The following CTNNA2 variants were observed in gnomAD, a reference collection of about 807,000 sequenced individuals.
CTNNA2 encodes catenin alpha 2.
In CTNNA2, 42 loss-of-function variants were observed where a neutral mutation model predicts 101.0. The ratio of observed to expected loss-of-function variants is 0.42; its 90% CI spans 0.32 to 0.54. CTNNA2 has a LOEUF of 0.54. Among genes scored for constraint, CTNNA2 ranks in the 20% least tolerant of loss-of-function variants. CTNNA2 has a pLI of 0.14. For synonymous variants in CTNNA2, 450 were observed against 456.4 expected, an observed-to-expected ratio of 0.99 and a Z score of 0.18; for missense variants, 871 against 1,223.1, an observed-to-expected ratio of 0.71 and a Z score of 4.29.
intron 7 of CTNNA2, among the ~76,000 whole-genome samples, chr2:79,995,855 G>A (rs139791333): frequency 5.3e-5 from 8 of 152,190 alleles, no homozygotes; most frequent in Non-Finnish European, 7.4e-5. Flanking sequence ...TTCTGTATTC[G>A]AACATGGATG....
In CTNNA2 at chr2:79,812,950, A is replaced by G. The variant is rs139125016; in HGVS notation, c.299-45063A>G. Among the ~76,000 whole-genome samples, 1,445 of 152,250 alleles carry G rather than the reference A, an allele frequency of 9.5e-3. 12 individuals carry two copies. Among genetic ancestry groups the G allele is most frequent in the Middle Eastern group, 0.02 (6 of 294 alleles). Reference sequence around the variant, plus strand: ...GAGGGACAGTAACACTCCAGGTGCAATTCTGAAGGAGACCAGTCCAACTTC... The same window carrying G: ...GAGGGACAGTAACACTCCAGGTGCAGTTCTGAAGGAGACCAGTCCAACTTC... On this transcript the variant is annotated intron_variant, in intron 3 of 18. Transcript: ENST00000402739.
At chr2:79,361,808 G>T (rs1573120235) in intron 3 of CTNNA2, among the ~76,000 whole-genome samples, 1 of 152,098 alleles carries the variant, frequency 6.6e-6, no homozygotes. Flanking sequence ...GATATAGGTT[G>T]GGAGGCTAGG....
At chr2:80,594,341 G>A (rs1696764650) in intron 15 of CTNNA2, among the ~76,000 whole-genome samples, 1 of 151,810 alleles carries the variant, frequency 6.6e-6, no homozygotes, top group Non-Finnish European at 1.5e-5. Context: ...TGGGTTGTTT[G>A]TTTGCTTTTT....
At chr2:79,193,663 T>A (rs1673906641) in intron 1 of CTNNA2, among the ~76,000 whole-genome samples, 1 of 152,196 alleles carries the variant, frequency 6.6e-6, no homozygotes, top group African/African-American at 2.4e-5. Context: ...GCATCTCTAG[T>A]AGGCTTTGAG....
rs1264380359 is a variant in CTNNA2 at position 80,136,523 on chromosome 2, C to T, written c.1056+226726C>T. ...TCTTATGCAGTTTCCTCCCAGTGAG[C>T]ACCCTAGTCATCCTTTATCCTCACA... On this transcript the variant is annotated intron_variant, in intron 7 of 18. Coordinates refer to ENST00000402739, the MANE Select transcript of CTNNA2 (RefSeq NM_001282597.3). 3.3e-5 allele frequency among the ~76,000 whole-genome samples: 5 copies of T among 152,278 alleles called. No homozygotes were observed. In the South Asian group the frequency reaches 8.3e-4, roughly 25 times the overall value.
chr2:79,451,376 T>G (rs1373906959), intron 4 of CTNNA2, among the ~76,000 whole-genome samples: 1 of 152,096 alleles, frequency 6.6e-6, no homozygotes, highest in Non-Finnish European at 1.5e-5. Context: ...TTTGAAAAAT[T>G]TTATTACATT....
At chr2:80,343,043 T>G (rs1274874847) in intron 7 of CTNNA2, among the ~76,000 whole-genome samples, 1 of 152,200 alleles carries the variant, frequency 6.6e-6, no homozygotes, top group Non-Finnish European at 1.5e-5. Flanking sequence ...TCTGTCTCTA[T>G]GTCCAAATTT....
chr2:79,698,178 G>A (rs1684764759), intron 2 of CTNNA2, among the ~76,000 whole-genome samples: 1 of 151,876 alleles, frequency 6.6e-6, no homozygotes, highest in Admixed American at 6.6e-5. Context: ...AGTTAGTTTG[G>A]ATAATTCTGA....
intron 7 of CTNNA2, among the ~76,000 whole-genome samples, chr2:80,105,133 T>G (rs1289485517): frequency 6.6e-6 from 1 of 152,178 alleles, no homozygotes; most frequent in Non-Finnish European, 1.5e-5. Flanking sequence ...TTCAGTCAGT[T>G]CCTTACTATT....
intron 3 of CTNNA2, among the ~76,000 whole-genome samples, chr2:79,768,052 T>C (rs1673290798): frequency 6.6e-6 from 1 of 151,716 alleles, no homozygotes. Flanking sequence ...GGTGATGAGG[T>C]CTGTGGGAAC....
intron 7 of CTNNA2, among the ~76,000 whole-genome samples, chr2:80,197,700 G>A (rs1301530801): frequency 6.6e-6 from 1 of 152,086 alleles, no homozygotes; most frequent in South Asian, 2.1e-4. Flanking sequence ...CCCTTGATGT[G>A]TGTGTCAGCC....
At chr2:79,823,256 G>T (rs1015496738) in intron 3 of CTNNA2, among the ~76,000 whole-genome samples, 2 of 152,150 alleles carry the variant, frequency 1.3e-5, no homozygotes, top group African/African-American at 4.8e-5. Flanking sequence ...CCAGGTATAG[G>T]TTATAAGTGG....
chr2:79,375,007 C>T (rs892778544), intron 4 of CTNNA2, among the ~76,000 whole-genome samples: 25 of 152,032 alleles, frequency 1.6e-4, no homozygotes, highest in Non-Finnish European at 2.2e-4. Context: ...AATGAAGTGA[C>T]GATTTTCAGC....
intron 7 of CTNNA2, among the ~76,000 whole-genome samples, chr2:80,241,648 T>G (rs535000388): frequency 2.2e-4 from 33 of 152,036 alleles, no homozygotes; most frequent in Non-Finnish European, 3.8e-4. Flanking sequence ...TATTTAGGCC[T>G]ATACATAATT....
At chr2:80,126,195 A>C (rs1702099929) in intron 7 of CTNNA2, among the ~76,000 whole-genome samples, 1 of 152,158 alleles carries the variant, frequency 6.6e-6, no homozygotes, top group Non-Finnish European at 1.5e-5. Flanking sequence ...GCAAGGTATT[A>C]TAAAATTTGC....
chr2:80,120,876 G>T (rs1701791977), intron 7 of CTNNA2, among the ~76,000 whole-genome samples: 1 of 152,190 alleles, frequency 6.6e-6, no homozygotes, highest in South Asian at 2.1e-4. Context: ...CCTTGGAACA[G>T]TTATGTCCCA....
intron 4 of CTNNA2, among the ~76,000 whole-genome samples, chr2:79,400,324 G>A (rs935767663): frequency 6.6e-6 from 1 of 151,952 alleles, no homozygotes; most frequent in Non-Finnish European, 1.5e-5. Context: ...TTTAGGAATA[G>A]AATGGGAGGC....
intron 3 of CTNNA2, among the ~76,000 whole-genome samples, chr2:79,772,585 A>G (rs973494047): frequency 6.6e-6 from 1 of 152,120 alleles, no homozygotes. Context: ...TGGAATATTT[A>G]TTTTAAGAGA....
intron 14 of CTNNA2, among the ~76,000 whole-genome samples, chr2:80,583,270 TATC>T (rs1394997245): frequency 2.6e-5 from 4 of 152,180 alleles, no homozygotes; most frequent in African/African-American, 9.7e-5. Flanking sequence ...CCGTGATAAT[TATC>T]ATCCTTTCTA....
Sources: allele counts gnomAD v4.1 joint callset (sites outside exome capture counted in the v4.1 genomes callset), GRCh38; gene constraint gnomAD v4.1.1; transcripts MANE v1.5; gene names NCBI Gene and HGNC (gene_info 2026-07-23, HGNC 2026-07-21).